The following ADGRL3 variants were observed in gnomAD, a reference collection of about 807,000 sequenced individuals.
ADGRL3 encodes calcium-independent alpha-latrotoxin receptor 3.
In ADGRL3, 62 loss-of-function variants were observed where a neutral mutation model predicts 153.5. The observed-to-expected ratio is 0.40, with a 90% CI of 0.33 to 0.50. ADGRL3 has a LOEUF of 0.50. ADGRL3 is among the 20% of genes least tolerant of loss of function. ADGRL3 has a pLI of 0.47. For missense variants in ADGRL3, 1,641 were observed against 1,859.4 expected (o/e 0.88, Z 2.16); for synonymous variants, 710 against 672.5 (o/e 1.06, Z -0.86).
intron 2 of ADGRL3, among the ~76,000 whole-genome samples, chr4:61,399,878 G>T (rs529975943): frequency 6.6e-6 from 1 of 151,684 alleles, no homozygotes; most frequent in Non-Finnish European, 1.5e-5. Context: ...AAGAAACTCA[G>T]TTGAAATGAC....
At chr4:61,883,338 C>T (rs1352620105) in intron 9 of ADGRL3, among the ~76,000 whole-genome samples, 4 of 152,056 alleles carry the variant, frequency 2.6e-5, no homozygotes, top group East Asian at 1.9e-4. Context: ...ACTTCTGTAT[C>T]GCCAGCACTT....
At chr4:61,633,968 T>C (rs1038407729) in intron 5 of ADGRL3, among the ~76,000 whole-genome samples, 1 of 151,500 alleles carries the variant, frequency 6.6e-6, no homozygotes, top group Non-Finnish European at 1.5e-5. Context: ...ATAGTGGGTG[T>C]TGGAGCTGAC....
At chr4:61,972,112 G>T (rs1453124494) in intron 17 of ADGRL3, among the ~76,000 whole-genome samples, 3 of 151,980 alleles carry the variant, frequency 2.0e-5, no homozygotes, top group South Asian at 2.1e-4. Flanking sequence ...TAGGTTGCCT[G>T]TTCACTCTGA....
intron 1 of ADGRL3, among the ~76,000 whole-genome samples, chr4:61,380,096 T>C (rs2096649540): frequency 6.6e-6 from 1 of 151,986 alleles, no homozygotes; most frequent in Non-Finnish European, 1.5e-5. Flanking sequence ...AAATTATTTA[T>C]ACATATATCT....
chr4:61,208,536 C>T (rs1041983999), intron 1 of ADGRL3, among the ~76,000 whole-genome samples: 1 of 152,096 alleles, frequency 6.6e-6, no homozygotes, highest in South Asian at 2.1e-4. Context: ...TTATATTTCA[C>T]ACCATTATAG....
At chr4:61,715,403 A>G (rs1023741588) in intron 6 of ADGRL3, among the ~76,000 whole-genome samples, 1 of 152,190 alleles carries the variant, frequency 6.6e-6, no homozygotes, top group African/African-American at 2.4e-5. Flanking sequence ...ATTCAATGGT[A>G]AGTGGTGTGT....
chr4:61,898,830 G>T (rs28823961), intron 11 of ADGRL3, among the ~76,000 whole-genome samples: 117,234 of 151,886 alleles, frequency 0.77, 45,602 homozygotes, highest in East Asian at 0.99. Flanking sequence ...TTGCCCAGGC[G>T]GGTCTCAAAC....
At chr4:61,490,420 G>A (rs971678518) in intron 2 of ADGRL3, among the ~76,000 whole-genome samples, 2 of 151,492 alleles carry the variant, frequency 1.3e-5, no homozygotes, top group African/African-American at 4.9e-5. Context: ...ATTATGCCTT[G>A]TATATCTTAC....
chr4:61,587,083 A>G (rs1001132474), intron 4 of ADGRL3, 144 bp from the exon 5 acceptor site: 1 of 483,568 alleles, frequency 2.1e-6, no homozygotes, highest in Admixed American at 3.7e-5. Context: ...AGAGAAAAAT[A>G]TTCTAGTTTA....
intron 1 of ADGRL3, among the ~76,000 whole-genome samples, chr4:61,271,432 G>T (rs544257192): frequency 6.6e-6 from 1 of 152,084 alleles, no homozygotes; most frequent in Non-Finnish European, 1.5e-5. Flanking sequence ...ATTGCAAAGT[G>T]AAATCTATCT....
At chr4:61,463,205 G>A (rs539526629) in intron 2 of ADGRL3, among the ~76,000 whole-genome samples, 113 of 152,132 alleles carry the variant, frequency 7.4e-4, no homozygotes, top group African/African-American at 2.6e-3. Flanking sequence ...CAAATTTCAC[G>A]GAATAGCCTT....
intron 3 of ADGRL3, among the ~76,000 whole-genome samples, chr4:61,508,029 G>A (rs1035272410): frequency 2.6e-5 from 4 of 152,068 alleles, no homozygotes; most frequent in Non-Finnish European, 4.4e-5. Flanking sequence ...ATGTTTACAA[G>A]GAGGCTGGTG....
chr4:61,421,208 C>T (rs2097203043), intron 2 of ADGRL3, among the ~76,000 whole-genome samples: 1 of 152,162 alleles, frequency 6.6e-6, no homozygotes, highest in Non-Finnish European at 1.5e-5. Context: ...GTGGCGGACG[C>T]CTGTAGTCCC....
intron 8 of ADGRL3, among the ~76,000 whole-genome samples, chr4:61,749,138 T>C (rs1172591741): frequency 1.3e-5 from 2 of 152,056 alleles, no homozygotes; most frequent in South Asian, 2.1e-4. Flanking sequence ...CTCACAGAAA[T>C]GCAAATCAAA....
intron 8 of ADGRL3, among the ~76,000 whole-genome samples, chr4:61,734,603 T>A (rs1221957434): frequency 6.6e-6 from 1 of 152,086 alleles, no homozygotes; most frequent in African/African-American, 2.4e-5. Context: ...CATGATCCAA[T>A]CACCTCCCAC....
chr4:61,762,004 G>A (rs2096918737), intron 8 of ADGRL3, among the ~76,000 whole-genome samples: 1 of 152,196 alleles, frequency 6.6e-6, no homozygotes, highest in Admixed American at 6.5e-5. Context: ...GTATTTATTA[G>A]AGTATGTTTC....
chr4:61,530,401 A>AG, intron 4 of ADGRL3, among the ~76,000 whole-genome samples: 1 of 152,082 alleles, frequency 6.6e-6, no homozygotes, highest in East Asian at 1.9e-4. Flanking sequence ...AAAAAAAAAA[A>AG]AATCTTCACA....
rs1292807559 is a variant in ADGRL3 at position 62,056,247 on chromosome 4, T to C, written c.3814+11698T>C. On this transcript the variant is annotated intron_variant, in intron 25 of 26. Transcript: ENST00000683033. ...ATTATAACCTTTCTCCATAATGCAA[T>C]CTTAAGGTCAATTAGGTGATATAAA... is the stretch of plus-strand genomic sequence containing the variant. Among the ~76,000 whole-genome samples the C allele has an allele frequency of 2.0e-5, 3 of 151,796 alleles. No homozygotes were observed. The East Asian group carries it at 5.8e-4, about 29-fold the overall frequency.
chr4:61,262,076 A>G (rs1420850045), intron 1 of ADGRL3, among the ~76,000 whole-genome samples: 5 of 152,128 alleles, frequency 3.3e-5, no homozygotes, highest in African/African-American at 1.2e-4. Flanking sequence ...TTCCATGTTG[A>G]AGGTGCTCAT....
Sources: gnomAD v4.1 joint callset for allele counts (sites outside exome capture counted in the v4.1 genomes callset) on GRCh38, gnomAD v4.1.1 for gene constraint, MANE v1.5 for transcripts, NCBI Gene and HGNC (gene_info 2026-07-23, HGNC 2026-07-21) for gene names.